The following PARD3B variants were observed in gnomAD, a reference collection of about 807,000 sequenced individuals.
PARD3B encodes par-3 family cell polarity regulator beta.
A neutral mutation model predicts 130.2 loss-of-function variants in PARD3B; 103 were observed. The ratio of observed to expected loss-of-function variants is 0.79; its 90% CI spans 0.67 to 0.93. PARD3B has a LOEUF of 0.93. Among genes scored for constraint, PARD3B ranks in the 40% least tolerant of loss-of-function variants. PARD3B has a pLI of 0.00. For missense variants in PARD3B, 1,609 were observed against 1,499.2 expected (o/e 1.07, Z -1.21); for synonymous variants, 583 against 553.2 (o/e 1.05, Z -0.76).
At chr2:204,883,455 A>ATATATATATATATATATT (rs1377428928) in intron 2 of PARD3B, among the ~76,000 whole-genome samples, 3 of 77,280 alleles carry the variant, frequency 3.9e-5, no homozygotes, top group South Asian at 4.1e-4. Flanking sequence ...ATATATATAT[A>ATATATATATATATATATT]TTTTTTTTTT....
At chr2:205,535,301 A>G (rs527679369) in intron 21 of PARD3B, among the ~76,000 whole-genome samples, 13 of 152,146 alleles carry the variant, frequency 8.5e-5, no homozygotes, top group African/African-American at 3.1e-4. Context: ...GCCCCAGTCA[A>G]TAGGTAGGGA....
chr2:204,984,797 A>G (rs374955248), intron 3 of PARD3B, among the ~76,000 whole-genome samples: 1 of 152,080 alleles, frequency 6.6e-6, no homozygotes, highest in East Asian at 1.9e-4. Context: ...GTGCAGATCC[A>G]TCAACTAAGA....
intron 4 of PARD3B, 57 bp from the exon 5 acceptor site, chr2:205,104,369 C>T: frequency 7.9e-7 from 1 of 1,266,688 alleles, no homozygotes; most frequent in East Asian, 2.3e-5. Flanking sequence ...ATATTTTATT[C>T]AGATTTTCAA....
chr2:204,586,150 T>C (rs1003502360), intron 1 of PARD3B, among the ~76,000 whole-genome samples: 2 of 152,206 alleles, frequency 1.3e-5, no homozygotes, highest in African/African-American at 4.8e-5. Flanking sequence ...TAAAGGGAGC[T>C]TTATTAAAAT....
intron 2 of PARD3B, among the ~76,000 whole-genome samples, chr2:204,754,245 G>A (rs191560217): frequency 4.6e-5 from 7 of 152,154 alleles, no homozygotes; most frequent in East Asian, 1.9e-4. Flanking sequence ...TGAAAAGAAC[G>A]TTGAGACAGC....
chr2:205,128,898 C>G lies in PARD3B; in HGVS notation c.1434+3161C>G, dbSNP rs911220147. ...TAACCAGTCAAATTGATAAGGGAGGCAGCTGTATGTGTTATTTCACTCTCA... is the reference window on the plus strand; with the variant it reads ...TAACCAGTCAAATTGATAAGGGAGGGAGCTGTATGTGTTATTTCACTCTCA... On this transcript the variant is annotated intron_variant, in intron 10 of 22. Coordinates refer to ENST00000406610, the MANE Select transcript of PARD3B (RefSeq NM_001302769.2). This position sits in a 1 kb window ranked among gnomAD's most constrained non-coding sequence, Gnocchi z 4.5. Among the ~76,000 whole-genome samples the G allele has an allele frequency of 5.9e-5, 9 of 152,010 alleles. No individual in the cohort carries two copies. The highest frequency in any genetic ancestry group is 5.9e-4 in the Admixed American group (9 of 15,262).
intron 2 of PARD3B, among the ~76,000 whole-genome samples, chr2:204,925,207 GA>G (rs1687505624): frequency 6.6e-6 from 1 of 152,056 alleles, no homozygotes; most frequent in African/African-American, 2.4e-5. Flanking sequence ...AATAAGCATG[GA>G]AAAGTGTAGT....
At chr2:204,629,414 G>C (rs2034603798) in intron 1 of PARD3B, among the ~76,000 whole-genome samples, 1 of 152,022 alleles carries the variant, frequency 6.6e-6, no homozygotes, top group Non-Finnish European at 1.5e-5. Context: ...CCTCTGATTG[G>C]ATGCATCTCA....
At chr2:205,410,044 A>G (rs849267) in intron 19 of PARD3B, among the ~76,000 whole-genome samples, 146,427 of 152,290 alleles carry the variant, frequency 0.96, 70,608 homozygotes, top group East Asian at 1. Flanking sequence ...GCTGTACCTC[A>G]GAGATACAGG....
At chr2:205,602,950 G>A (rs375088158) in intron 22 of PARD3B, among the ~76,000 whole-genome samples, 2 of 152,092 alleles carry the variant, frequency 1.3e-5, no homozygotes, top group South Asian at 4.1e-4. Context: ...TAATTGTGAT[G>A]TTAGGGTGTC....
intron 20 of PARD3B, among the ~76,000 whole-genome samples, chr2:205,481,833 C>T (rs1279934507): frequency 6.6e-6 from 1 of 152,196 alleles, no homozygotes; most frequent in Non-Finnish European, 1.5e-5. Context: ...TCATTATTCC[C>T]ATCTCTAATG....
chr2:204,909,191 A>G (rs1241957686), intron 2 of PARD3B, among the ~76,000 whole-genome samples: 4 of 152,198 alleles, frequency 2.6e-5, no homozygotes, highest in African/African-American at 9.6e-5. Context: ...AATTTGTACA[A>G]ATATTTGGGA....
At chr2:205,318,360 C>T (rs1483645674) in intron 18 of PARD3B, among the ~76,000 whole-genome samples, 1 of 152,160 alleles carries the variant, frequency 6.6e-6, no homozygotes, top group Non-Finnish European at 1.5e-5. Context: ...CCCAGAAACA[C>T]TATACCAGAC....
intron 2 of PARD3B, among the ~76,000 whole-genome samples, chr2:204,711,634 C>T (rs889801768): frequency 6.6e-6 from 1 of 152,064 alleles, no homozygotes; most frequent in African/African-American, 2.4e-5. Context: ...CAACCTCTGC[C>T]TCCCAGGTTC....
chr2:204,841,386 A>G (rs1487267289), intron 2 of PARD3B, among the ~76,000 whole-genome samples: 1 of 152,184 alleles, frequency 6.6e-6, no homozygotes, highest in African/African-American at 2.4e-5. Context: ...ATATACAAGA[A>G]CAAGGCAAAA....
At chr2:204,711,872 A>C (rs1303859938) in intron 2 of PARD3B, among the ~76,000 whole-genome samples, 1 of 152,094 alleles carries the variant, frequency 6.6e-6, no homozygotes, top group Non-Finnish European at 1.5e-5. Context: ...CCATTTTACA[A>C]GTGGGAAAAC....
chr2:205,307,598 T>C (rs764505335), intron 18 of PARD3B, among the ~76,000 whole-genome samples: 2 of 152,146 alleles, frequency 1.3e-5, no homozygotes, highest in African/African-American at 2.4e-5. Context: ...GACAAGCCCA[T>C]TGCTGTCAGT....
intron 2 of PARD3B, 51 bp downstream of exon 2, chr2:204,686,333 G>A: frequency 7.8e-7 from 1 of 1,282,640 alleles, no homozygotes; most frequent in South Asian, 1.2e-5. Context: ...AGAGCTGCAT[G>A]TTTTCAAGAG....
chr2:204,685,646 CATCATTGCATAT>C (rs2125242458), intron 1 of PARD3B, among the ~76,000 whole-genome samples: 1 of 152,298 alleles, frequency 6.6e-6, no homozygotes, highest in African/African-American at 2.4e-5. Flanking sequence ...CTGCTCTGTG[CATCATTGCATAT>C]CTCAGAGTGA....
Sources: gnomAD v4.1 joint callset for allele counts (sites outside exome capture counted in the v4.1 genomes callset) on GRCh38, gnomAD v4.1.1 for gene constraint, Gnocchi (gnomAD v3.1) non-coding constraint, MANE v1.5 for transcripts, NCBI Gene and HGNC (gene_info 2026-07-23, HGNC 2026-07-21) for gene names.